The following HCN1 variants were observed in gnomAD, a reference collection of about 807,000 sequenced individuals.
HCN1 encodes potassium/sodium hyperpolarization-activated cyclic nucleotide-gated channel 1.
HCN1 carries 13 observed loss-of-function variants against 78.9 expected under a neutral mutation model. That is an observed-to-expected ratio of 0.16 (90% CI 0.11 to 0.26). The LOEUF is 0.26. Among genes scored for constraint, HCN1 ranks in the 10% least tolerant of loss-of-function variants. HCN1 has a pLI of 1.00. For synonymous variants in HCN1, 552 were observed against 455.5 expected, an observed-to-expected ratio of 1.21 and a Z score of -2.70; for missense variants, 810 against 1,154.3, an observed-to-expected ratio of 0.70 and a Z score of 4.32.
chr5:45,666,897 T>A (rs925561112), intron 1 of HCN1, among the ~76,000 whole-genome samples: 1 of 151,974 alleles, frequency 6.6e-6, no homozygotes, highest in Non-Finnish European at 1.5e-5. Context: ...GCAGACAAAT[T>A]GGAAGATATC....
chr5:45,573,949 T>C (rs906809730), intron 2 of HCN1, among the ~76,000 whole-genome samples: 3 of 152,144 alleles, frequency 2.0e-5, no homozygotes, highest in African/African-American at 7.2e-5. Flanking sequence ...TTATAATTTG[T>C]AAAAATTAAT....
chr5:45,555,195 T>C (rs1239372635), intron 2 of HCN1, among the ~76,000 whole-genome samples: 1 of 151,786 alleles, frequency 6.6e-6, no homozygotes, highest in Non-Finnish European at 1.5e-5. Context: ...TCAGTATAGA[T>C]GCAGAATACA....
chr5:45,388,699 C>T (rs148199482), intron 4 of HCN1, among the ~76,000 whole-genome samples: 4 of 152,206 alleles, frequency 2.6e-5, no homozygotes, highest in Non-Finnish European at 5.9e-5. Flanking sequence ...AACCTATATT[C>T]ACAAATGGCC....
At chr5:45,404,992 G>A (rs1007726775) in intron 3 of HCN1, among the ~76,000 whole-genome samples, 2 of 151,970 alleles carry the variant, frequency 1.3e-5, no homozygotes, top group Non-Finnish European at 1.5e-5. Flanking sequence ...CTAAAATATG[G>A]CACTCAGAGA....
Position 45,261,975 on chromosome 5 carries a change from T to C in HCN1, c.2619A>G (p.Ser873=), listed in dbSNP as rs1195314120. The C allele has an allele frequency of 6.2e-7, 1 of 1,614,106 alleles. No individual in the cohort carries two copies. The highest frequency in any genetic ancestry group is 1.7e-5 in the Admixed American group (1 of 60,024). ...PAAALPRESS[S]VLNTDPDAEK... ...CTGCGTCTGGGTCTGTGTTTAAGAC[T>C]GAGGAAGATTCTCTTGGAAGAGCAG... The change falls in exon 8 of 8, where the codon TCA becomes TCG. Residue 873 remains serine (S), a synonymous_variant. Transcript: ENST00000303230.
intron 2 of HCN1, among the ~76,000 whole-genome samples, chr5:45,471,648 A>C (rs1302414389): frequency 6.6e-6 from 1 of 151,964 alleles, no homozygotes; most frequent in Non-Finnish European, 1.5e-5. Flanking sequence ...CTGCTGAACC[A>C]TGAACGTTTA....
intron 7 of HCN1, among the ~76,000 whole-genome samples, chr5:45,263,671 A>G (rs1355541680): frequency 1.3e-5 from 2 of 152,212 alleles, no homozygotes; most frequent in African/African-American, 4.8e-5. Flanking sequence ...AAATACTAAC[A>G]TCCACTTGTT....
chr5:45,526,656 G>A (rs2111793249), intron 2 of HCN1, among the ~76,000 whole-genome samples: 1 of 152,076 alleles, frequency 6.6e-6, no homozygotes, highest in East Asian at 1.9e-4. Context: ...TTTTTCCATT[G>A]CTCCTATCTT....
chr5:45,513,931 A>C (rs567320015), intron 2 of HCN1, among the ~76,000 whole-genome samples: 4 of 152,134 alleles, frequency 2.6e-5, no homozygotes, highest in African/African-American at 9.7e-5. Context: ...AAGGACATAA[A>C]CTGTCCAAAT....
intron 2 of HCN1, among the ~76,000 whole-genome samples, chr5:45,562,414 G>GT (rs1452447191): frequency 6.6e-6 from 1 of 152,074 alleles, no homozygotes. Context: ...GCTCATTCCT[G>GT]TAATCCTAAC....
intron 3 of HCN1, among the ~76,000 whole-genome samples, chr5:45,447,383 C>T (rs1740821165): frequency 6.6e-6 from 1 of 152,166 alleles, no homozygotes; most frequent in Non-Finnish European, 1.5e-5. Context: ...GCTGAGACTA[C>T]AGGCATGTGC....
At chr5:45,524,943 A>T (rs1742700598) in intron 2 of HCN1, among the ~76,000 whole-genome samples, 1 of 152,152 alleles carries the variant, frequency 6.6e-6, no homozygotes, top group Non-Finnish European at 1.5e-5. Context: ...GGTAGTTTTC[A>T]AAGGGAATGC....
At chr5:45,408,409 C>T (rs1047489867) in intron 3 of HCN1, among the ~76,000 whole-genome samples, 2 of 152,030 alleles carry the variant, frequency 1.3e-5, no homozygotes, top group Non-Finnish European at 2.9e-5. Flanking sequence ...TGTTTAGATA[C>T]ACCAATACTT....
intron 5 of HCN1, among the ~76,000 whole-genome samples, chr5:45,339,028 CCT>C (rs2111962318): frequency 6.6e-6 from 1 of 152,140 alleles, no homozygotes; most frequent in African/African-American, 2.4e-5. Context: ...ATGGAGAAAC[CCT>C]GTTTTCACCT....
intron 2 of HCN1, among the ~76,000 whole-genome samples, chr5:45,635,030 C>A (rs1226514658): frequency 6.6e-6 from 1 of 152,082 alleles, no homozygotes. Flanking sequence ...TTTAAAAGCA[C>A]ATTTTACCAC....
intron 2 of HCN1, among the ~76,000 whole-genome samples, chr5:45,536,920 G>A (rs1353931438): frequency 2.6e-5 from 4 of 152,198 alleles, no homozygotes; most frequent in Non-Finnish European, 5.9e-5. Flanking sequence ...GCTAACAGCT[G>A]CTTTCCCCTG....
At chr5:45,428,244 T>C (rs900770453) in intron 3 of HCN1, among the ~76,000 whole-genome samples, 2 of 152,080 alleles carry the variant, frequency 1.3e-5, no homozygotes, top group African/African-American at 4.8e-5. Context: ...TATGAAACAA[T>C]TGATATATTG....
chr5:45,423,349 T>C (rs545665958), intron 3 of HCN1, among the ~76,000 whole-genome samples: 1 of 152,290 alleles, frequency 6.6e-6, no homozygotes, highest in South Asian at 2.1e-4. Context: ...ATCCATCTCC[T>C]TTGGTCTAGC....
chr5:45,315,164 G>C (rs1745954513), intron 5 of HCN1, among the ~76,000 whole-genome samples: 1 of 152,190 alleles, frequency 6.6e-6, no homozygotes, highest in Admixed American at 6.5e-5. Context: ...ATAGTTGGAA[G>C]TAAAGCTCTC....
Sources: gnomAD v4.1 joint callset for allele counts (sites outside exome capture counted in the v4.1 genomes callset) on GRCh38, gnomAD v4.1.1 for gene constraint, MANE v1.5 for transcripts, NCBI Gene and HGNC (gene_info 2026-07-23, HGNC 2026-07-21) for gene names.